The following LIPA variants were observed in gnomAD, a reference collection of about 807,000 sequenced individuals.
LIPA encodes the protein lipase A, lysosomal acid type, also known as lysosomal acid lipase/cholesteryl ester hydrolase.
A neutral mutation model predicts 40.6 loss-of-function variants in LIPA; 26 were observed. The observed-to-expected ratio is 0.64, with a 90% CI of 0.47 to 0.89. LIPA has a LOEUF of 0.89. Ranked by LOEUF, LIPA falls within the 40% of genes least tolerant of loss-of-function variation. LIPA has a pLI of 0.00. For synonymous variants in LIPA, 188 were observed against 168.4 expected (o/e 1.12, Z -0.90); for missense variants, 455 against 479.6 (o/e 0.95, Z 0.48).
intron 1 of LIPA, among the ~76,000 whole-genome samples, chr10:89,317,238 G>C (rs1028157824): frequency 6.6e-6 from 1 of 152,228 alleles, no homozygotes; most frequent in African/African-American, 2.4e-5. Context: ...AGAGAAGAAG[G>C]CTGCAGACAA....
At position 89,281,689 on chromosome 10, in the gene LIPA, G is replaced by T. The variant is rs1162856068; in HGVS notation, c.-1-34040C>A. 2.0e-5 allele frequency among the ~76,000 whole-genome samples: 3 copies of T among 152,174 alleles called. 1 individual carries two copies. The South Asian group carries it at 6.2e-4, about 31-fold the overall frequency. On this transcript the variant is annotated intron_variant, in intron 1 of 5. Coordinates refer to the LIPA transcript ENST00000282673. ...CACTTCGCTACTGCACTTTTTGTCT[G>T]ACTTTCTCAGCTCAATAGTTTGTGA...
intron 1 of LIPA, among the ~76,000 whole-genome samples, chr10:89,300,647 A>G (rs1404095246): frequency 6.6e-6 from 1 of 152,208 alleles, no homozygotes; most frequent in African/African-American, 2.4e-5. Context: ...ATTGTGATGG[A>G]TTGTTGAATG....
intron 2 of LIPA, among the ~76,000 whole-genome samples, chr10:89,390,751 C>A (rs1210510498): frequency 2.6e-5 from 4 of 152,158 alleles, no homozygotes; most frequent in Admixed American, 6.5e-5. Context: ...CCCGTAGAAC[C>A]AAGACTGCTG....
At chr10:89,285,700 G>A (rs1219137563) in intron 1 of LIPA, among the ~76,000 whole-genome samples, 1 of 151,306 alleles carries the variant, frequency 6.6e-6, no homozygotes, top group Non-Finnish European at 1.5e-5. Flanking sequence ...TTTCCTGGGG[G>A]GCAAGGACCC....
At chr10:89,261,988 C>T (rs1335949508) in intron 1 of LIPA, among the ~76,000 whole-genome samples, 13 of 152,178 alleles carry the variant, frequency 8.5e-5, no homozygotes, top group African/African-American at 3.1e-4. Flanking sequence ...TGAAGTCCAG[C>T]CATGGGAAGG....
intron 1 of LIPA, among the ~76,000 whole-genome samples, chr10:89,302,660 C>T (rs533321296): frequency 6.6e-6 from 1 of 152,298 alleles, no homozygotes; most frequent in South Asian, 2.1e-4. Context: ...GGCTGGTAAA[C>T]TTAAATATTT....
At chr10:89,276,893 G>C (rs934272526) in intron 1 of LIPA, among the ~76,000 whole-genome samples, 4 of 152,164 alleles carry the variant, frequency 2.6e-5, no homozygotes, top group Admixed American at 6.5e-5. Context: ...ATAATGGCTA[G>C]AGGAGCTAGC....
At chr10:89,308,159 C>G (rs1221930574) in intron 1 of LIPA, 1 of 152,146 alleles carries the variant, frequency 6.6e-6, no homozygotes. Flanking sequence ...TAGAAACCAA[C>G]ATAATGTATT....
intron 8 of LIPA, among the ~76,000 whole-genome samples, chr10:89,220,440 A>G (rs1243984367): frequency 6.6e-6 from 1 of 152,198 alleles, no homozygotes; most frequent in African/African-American, 2.4e-5. Context: ...TATGAAGAAA[A>G]CAAGTGACTA....
At chr10:89,283,060 T>C (rs1843324440) in intron 1 of LIPA, among the ~76,000 whole-genome samples, 3 of 152,254 alleles carry the variant, frequency 2.0e-5, no homozygotes, top group Admixed American at 1.3e-4. Flanking sequence ...TAAGTTTCAC[T>C]TAAAGCTGCC....
At chr10:89,312,625 G>C (rs538311750) in intron 1 of LIPA, among the ~76,000 whole-genome samples, 62 of 151,686 alleles carry the variant, frequency 4.1e-4, no homozygotes, top group African/African-American at 7.0e-4. Flanking sequence ...TGGCTAACAC[G>C]GTGAAACCCC....
intron 1 of LIPA, among the ~76,000 whole-genome samples, chr10:89,334,668 T>A (rs1384978442): frequency 1.3e-5 from 2 of 151,584 alleles, no homozygotes; most frequent in Non-Finnish European, 2.9e-5. Context: ...AATTTTTGTG[T>A]TTTTAGTACA....
intron 1 of LIPA, among the ~76,000 whole-genome samples, chr10:89,263,545 C>T (rs898892234): frequency 2.0e-5 from 3 of 152,222 alleles, no homozygotes; most frequent in African/African-American, 4.8e-5. Flanking sequence ...AAAAGCAATA[C>T]AAAACCTACA....
intron 2 of LIPA, among the ~76,000 whole-genome samples, chr10:89,391,236 C>T (rs1844247533): frequency 6.6e-6 from 1 of 152,194 alleles, no homozygotes; most frequent in African/African-American, 2.4e-5. Flanking sequence ...TTATTTGAGA[C>T]AGGGGCTCAC....
At chr10:89,410,332 C>T (rs1030689055) in intron 2 of LIPA, among the ~76,000 whole-genome samples, 7 of 152,178 alleles carry the variant, frequency 4.6e-5, no homozygotes, top group Admixed American at 2.0e-4. Context: ...TACCTATATG[C>T]GTGGCCCTCA....
At chr10:89,392,466 T>TTTCCCC in intron 2 of LIPA, 1 of 285,990 alleles carries the variant, frequency 3.5e-6, no homozygotes, top group South Asian at 5.5e-5. Flanking sequence ...AAAGTTTCAT[T>TTTCCCC]CCCCACCCCC....
chr10:89,223,684 C>T lies in LIPA; in HGVS notation c.822G>A (p.Met274Ile), dbSNP rs924552338. ...CAAATCTTACTATAAACATGCATACCATATTTAAATTTCTCTCATTAAATC... is the reference window on the plus strand; with the variant it reads ...CAAATCTTACTATAAACATGCATACTATATTTAAATTTCTCTCATTAAATC... ...LCGFNERNLNMSRVDVYTTHS... is the reference protein window; with the variant it reads ...LCGFNERNLNISRVDVYTTHS... The change falls in exon 7 of 10, where the codon ATG becomes ATA. Residue 274 changes from methionine (M) to isoleucine (I), a missense_variant and splice_region_variant. By Grantham distance (10) the Met-to-Ile change is conservative. Coordinates refer to ENST00000336233, the MANE Select transcript of LIPA (RefSeq NM_000235.4). 5.6e-6 allele frequency: 9 copies of T among 1,607,110 alleles called. No individual in the cohort carries two copies. Among genetic ancestry groups the T allele is most frequent in the South Asian group, 1.1e-5 (1 of 90,808 alleles).
chr10:89,247,420 AATTG>A, intron 2 of LIPA, 114 bp downstream of exon 2: 1 of 640,616 alleles, frequency 1.6e-6, no homozygotes, highest in Non-Finnish European at 2.8e-6. Context: ...AATTCAGAGA[AATTG>A]AAAAGCAAAG....
intron 3 of LIPA, among the ~76,000 whole-genome samples, chr10:89,229,799 G>A (rs1339568023): frequency 6.6e-6 from 1 of 151,438 alleles, no homozygotes; most frequent in African/African-American, 2.4e-5. Context: ...CGGACTTTGT[G>A]TGAATGTAGG....
Sources: gnomAD v4.1 joint callset for allele counts (sites outside exome capture counted in the v4.1 genomes callset) on GRCh38, gnomAD v4.1.1 for gene constraint, MANE v1.5 for transcripts, NCBI Gene and HGNC (gene_info 2026-07-23, HGNC 2026-07-21) for gene names.